Variants in PTER observed in about 807,000 individuals in gnomAD.
PTER encodes N-acetyltaurine hydrolase.
PTER carries 38 observed loss-of-function variants against 29.6 expected under a neutral mutation model. That is an observed-to-expected ratio of 1.28 (90% CI 0.99 to 1.68). The LOEUF is 1.68. PTER is among the 40% of genes most tolerant of loss of function. PTER has a pLI of 0.00. For synonymous variants in PTER, 172 were observed against 154.5 expected, an observed-to-expected ratio of 1.11 and a Z score of -0.84; for missense variants, 482 against 427.8, an observed-to-expected ratio of 1.13 and a Z score of -1.12.
intron 1 of PTER, among the ~76,000 whole-genome samples, chr10:16,482,581 C>T (rs1835520775): frequency 6.6e-6 from 1 of 152,032 alleles, no homozygotes; most frequent in Non-Finnish European, 1.5e-5. Context: ...AGAAGGCTTT[C>T]AAGGGATATG....
intron 3 of PTER, among the ~76,000 whole-genome samples, chr10:16,488,280 A>C (rs575081019): frequency 6.6e-6 from 1 of 152,200 alleles, no homozygotes; most frequent in African/African-American, 2.4e-5. Context: ...TTTGAATTCT[A>C]ACTCTCATTG....
At chr10:16,463,184 A>C (rs2133396496) in intron 1 of PTER, among the ~76,000 whole-genome samples, 1 of 138,956 alleles carries the variant, frequency 7.2e-6, no homozygotes, top group South Asian at 2.5e-4. Context: ...TGGGCGACAG[A>C]GCGAGACTCT....
chr10:16,458,765 T>C (rs1159812602), intron 1 of PTER, among the ~76,000 whole-genome samples: 1 of 152,166 alleles, frequency 6.6e-6, no homozygotes, highest in Non-Finnish European at 1.5e-5. Flanking sequence ...ATTTGCTCCC[T>C]CTCTGCTGGT....
chr10:16,441,917 A>C (rs996828055), intron 1 of PTER, among the ~76,000 whole-genome samples: 3 of 151,836 alleles, frequency 2.0e-5, no homozygotes, highest in African/African-American at 7.3e-5. Flanking sequence ...CCTACTTATT[A>C]AACGGGTGGG....
At chr10:16,505,971 T>G (rs1227225012) in intron 4 of PTER, among the ~76,000 whole-genome samples, 2 of 151,692 alleles carry the variant, frequency 1.3e-5, no homozygotes, top group Non-Finnish European at 2.9e-5. Flanking sequence ...GACAGAGACA[T>G]TTAAGGAATG....
rs138357097 is a variant in PTER at position 16,467,919 on chromosome 10, G to A, written c.-48-16418G>A. On this transcript the variant is annotated intron_variant, in intron 1 of 4. Coordinates refer to ENST00000535784, the MANE Select transcript of PTER (RefSeq NM_001261836.2). ...CAAAATCCAGAGCCCAAACACTTTGGGAAAAACATTTTCCATGCTTTTTAA... is the reference window on the plus strand; with the variant it reads ...CAAAATCCAGAGCCCAAACACTTTGAGAAAAACATTTTCCATGCTTTTTAA... 6.1e-3 allele frequency among the ~76,000 whole-genome samples: 923 copies of A among 152,200 alleles called. 3 individuals are homozygous for A. The highest frequency in any genetic ancestry group is 0.01 in the Non-Finnish European group (702 of 68,010).
chr10:16,490,656 A>T (rs1006667690), intron 3 of PTER, among the ~76,000 whole-genome samples: 2 of 150,844 alleles, frequency 1.3e-5, no homozygotes, highest in East Asian at 3.9e-4. Context: ...AATATAATGT[A>T]GTATTTTACA....
downstream of PTER, chr10:16,514,563 T>G (rs756959476): frequency 6.2e-7 from 1 of 1,613,838 alleles, no homozygotes; most frequent in South Asian, 1.1e-5. Context: ...GAAAACGTGC[T>G]GTATTTGTTG....
At chr10:16,473,167 A>C (rs1835117818) in intron 1 of PTER, among the ~76,000 whole-genome samples, 1 of 152,162 alleles carries the variant, frequency 6.6e-6, no homozygotes, top group African/African-American at 2.4e-5. Context: ...TATTCGGCTC[A>C]AATGAGTCTC....
chr10:16,455,720 G>A (rs1834371452), intron 1 of PTER, among the ~76,000 whole-genome samples: 2 of 151,970 alleles, frequency 1.3e-5, no homozygotes, highest in African/African-American at 4.8e-5. Context: ...AAGAGGTAAA[G>A]GTTTAACTTC....
intron 1 of PTER, among the ~76,000 whole-genome samples, chr10:16,447,791 C>G (rs1040716067): frequency 6.6e-6 from 1 of 152,184 alleles, no homozygotes; most frequent in Non-Finnish European, 1.5e-5. Flanking sequence ...TCCTAGTCTT[C>G]TCTTCCTCTG....
rs140029847 is a variant in PTER at position 16,486,358 on chromosome 10, G to C, written c.439G>C (p.Asp147His). The C allele has an allele frequency of 6.2e-7, 1 of 1,612,698 alleles. No individual in the cohort carries two copies. Among genetic ancestry groups the C allele is most frequent in the South Asian group, 1.1e-5 (1 of 90,976 alleles). Reference protein sequence around the residue: ...TRAMSVEQLTDVLMNEILHGA... With the variant: ...TRAMSVEQLTHVLMNEILHGA... Reference sequence around the variant, plus strand: ...CCTTCTCACTCTTCCTTAGCTTACCGATGTCCTTATGAATGAAATTCTCCA... The same window carrying C: ...CCTTCTCACTCTTCCTTAGCTTACCCATGTCCTTATGAATGAAATTCTCCA... The change falls in exon 3 of 5, where the codon GAT (aspartate) becomes CAT (histidine). Residue 147 changes from aspartate (D) to histidine (H), a missense_variant. Asp to His is a moderately conservative substitution (Grantham distance 81, BLOSUM62 -1). Coordinates refer to ENST00000535784, the MANE Select transcript of PTER (RefSeq NM_001261836.2).
At chr10:16,509,775 AC>A (rs1836739373) in intron 4 of PTER, among the ~76,000 whole-genome samples, 1 of 152,230 alleles carries the variant, frequency 6.6e-6, no homozygotes, top group Non-Finnish European at 1.5e-5. Context: ...TCATAGTGGC[AC>A]AAAAGTCATT....
At chr10:16,518,764 C>T in the PTER span, among the ~76,000 whole-genome samples, 16 of 151,944 alleles carry the variant, frequency 1.1e-4, no homozygotes, top group Admixed American at 3.9e-4. Flanking sequence ...CTCTTCAGCC[C>T]GATTGTATTT....
intron 1 of PTER, among the ~76,000 whole-genome samples, chr10:16,472,311 C>T (rs925883001): frequency 2.6e-5 from 4 of 152,126 alleles, no homozygotes; most frequent in African/African-American, 7.2e-5. Context: ...ATGCCTCATA[C>T]GGATTGACTG....
intron 1 of PTER, among the ~76,000 whole-genome samples, chr10:16,444,838 G>GT (rs1016093262): frequency 2.6e-5 from 4 of 151,968 alleles, no homozygotes; most frequent in East Asian, 3.8e-4. Flanking sequence ...GAATAATAGG[G>GT]TTTTTTTTAA....
chr10:16,510,018 A>G (rs966381986), intron 4 of PTER, among the ~76,000 whole-genome samples: 1 of 152,204 alleles, frequency 6.6e-6, no homozygotes, highest in African/African-American at 2.4e-5. Flanking sequence ...TTTTGAAACA[A>G]AAAAGATACC....
At chr10:16,443,655 A>G (rs1170345944) in intron 1 of PTER, among the ~76,000 whole-genome samples, 1 of 152,204 alleles carries the variant, frequency 6.6e-6, no homozygotes, top group Admixed American at 6.5e-5. Flanking sequence ...AATGACTTGG[A>G]TAGAGTTCAT....
At chr10:16,445,596 G>A (rs748415614) in intron 1 of PTER, among the ~76,000 whole-genome samples, 2 of 152,120 alleles carry the variant, frequency 1.3e-5, no homozygotes, top group Non-Finnish European at 2.9e-5. Context: ...CAGGCTCTCA[G>A]GCTGCAGTGT....
Sources: allele counts gnomAD v4.1 joint callset (sites outside exome capture counted in the v4.1 genomes callset), GRCh38; gene constraint gnomAD v4.1.1; transcripts MANE v1.5; gene names NCBI Gene and HGNC (gene_info 2026-07-23, HGNC 2026-07-21).